DGCR8: variants seen among roughly 807,000 people sequenced by gnomAD.
The protein encoded by DGCR8 is DGCR8 microprocessor complex subunit, also known as microprocessor complex subunit DGCR8.
DGCR8 carries 14 observed loss-of-function variants against 78.5 expected under a neutral mutation model. That is an observed-to-expected ratio of 0.18 (90% confidence interval 0.12 to 0.28). DGCR8 has a LOEUF of 0.28. Among genes scored for constraint, DGCR8 ranks in the 10% least tolerant of loss-of-function variants. The pLI is 1.00. For missense variants in DGCR8, 702 were observed against 1,022.5 expected, an observed-to-expected ratio of 0.69 and a Z score of 4.28; for synonymous variants, 399 against 402.4, an observed-to-expected ratio of 0.99 and a Z score of 0.10.
rs1487377562 is a variant in DGCR8, at chr22:20,085,226, G to A, written c.-277-461G>A. On this transcript the variant is annotated intron_variant, in intron 1 of 13. Transcript: ENST00000351989. This position sits in a 1 kb window ranked among gnomAD's most constrained non-coding sequence, Gnocchi z 6.2. The stretch of plus-strand genomic sequence containing the variant: ...CTGAGGCCCCTAGTGCCGCAGAGTT[G>A]AGCTGAGGGTCTCGCGCTCGCCCTC... Among the ~76,000 whole-genome samples, 6 of 152,166 alleles carry A rather than the reference G, an allele frequency of 3.9e-5. No homozygotes were observed.
intron 9 of DGCR8, among the ~76,000 whole-genome samples, chr22:20,103,980 A>G (rs1459833392): frequency 6.6e-6 from 1 of 152,176 alleles, no homozygotes; most frequent in East Asian, 1.9e-4. Context: ...TCTGCCAGGC[A>G]CTGATTGCTT....
rs1194993491 is a variant in DGCR8, at chr22:20,086,690, T to G, written c.720+7T>G. 2 of 1,599,100 alleles carry G rather than the reference T, an allele frequency of 1.3e-6. No individual in the cohort carries two copies. Among genetic ancestry groups the G allele is most frequent in the Non-Finnish European group, 1.7e-6 (2 of 1,176,604 alleles). ...CTTGAATTTCCCCTACGAGGTATGTTGGCAGCCCCTCCTCTAGAGGGCTCT... is the reference window on the plus strand; with the variant it reads ...CTTGAATTTCCCCTACGAGGTATGTGGGCAGCCCCTCCTCTAGAGGGCTCT... On this transcript the variant is annotated splice_region_variant and intron_variant, in intron 2 of 13. Coordinates refer to ENST00000351989, the MANE Select transcript of DGCR8 (RefSeq NM_022720.7). This position sits in a 1 kb window ranked among gnomAD's most constrained non-coding sequence, Gnocchi z 6.4.
At chr22:20,090,443 A>C (rs2049542318) in intron 5 of DGCR8, among the ~76,000 whole-genome samples, 185 bp downstream of exon 5, 1 of 152,036 alleles carries the variant, frequency 6.6e-6, no homozygotes, top group Non-Finnish European at 1.5e-5. Flanking sequence ...TGGGTGCAGC[A>C]CCCTAGGCTC....
chr22:20,098,156 T>C (rs174890), intron 9 of DGCR8, among the ~76,000 whole-genome samples: 2 of 145,546 alleles, frequency 1.4e-5, no homozygotes, highest in African/African-American at 5.2e-5. Context: ...AGAAAAAAAA[T>C]ATATATATAT....
intron 9 of DGCR8, chr22:20,101,327 A>G (rs1486003557): frequency 2.0e-6 from 2 of 976,662 alleles, no homozygotes; most frequent in Non-Finnish European, 2.4e-6. Context: ...CTGTAATCCC[A>G]GCACTTTGGG....
chr22:20,084,917 G>A (rs1301208968), intron 1 of DGCR8: 3 of 949,982 alleles, frequency 3.2e-6, no homozygotes, highest in African/African-American at 3.5e-5. Flanking sequence ...CATGAGAGTC[G>A]CTTCACCTTC....
intron 9 of DGCR8, among the ~76,000 whole-genome samples, chr22:20,097,462 A>G (rs997624110): frequency 1.4e-4 from 21 of 152,188 alleles, no homozygotes; most frequent in Admixed American, 8.5e-4. Flanking sequence ...TGATTAGCAT[A>G]TATTTGTTCC....
intron 5 of DGCR8, 90 bp downstream of exon 5, chr22:20,090,348 A>G: frequency 1.4e-6 from 2 of 1,437,674 alleles, no homozygotes; most frequent in South Asian, 1.4e-5. Flanking sequence ...CATAGTTCCT[A>G]GTTGTACTTG....
In DGCR8 at chr22:20,085,657, T is replaced by A. The variant is rs780998377; in HGVS notation, c.-277-30T>A. On this transcript the variant is annotated intron_variant, in intron 1 of 13. Coordinates refer to ENST00000351989, the MANE Select transcript of DGCR8 (RefSeq NM_022720.7). This position sits in a 1 kb window ranked among gnomAD's most constrained non-coding sequence, Gnocchi z 6.2. ...AGGGAATTGGAAGGTTTCTGTCATT[T>A]TGTGACGATATTTTTAAATTTCTTT... The A allele has an allele frequency of 5.4e-6, 7 of 1,285,722 alleles. No individual in the cohort carries two copies. The highest frequency in any genetic ancestry group is 6.9e-6 in the Non-Finnish European group (7 of 1,020,552). 79.6% of individuals were successfully genotyped at this position (1,285,722 alleles called of 1,614,324 possible).
chr22:20,080,287 T>G lies in DGCR8; in HGVS notation c.-374T>G, dbSNP rs1255059452. On this transcript the variant is annotated 5_prime_UTR_variant, in exon 1 of 14. Coordinates refer to ENST00000351989, the MANE Select transcript of DGCR8 (RefSeq NM_022720.7). ...GGCGGGTGCCGGCGACCGGAGAGCC[T>G]GGACAGGCTTTCCAGATGGCTGCGG... 2 of 980,816 alleles carry G rather than the reference T, an allele frequency of 2.0e-6. No individual in the cohort carries two copies. Among genetic ancestry groups the G allele is most frequent in the East Asian group, 1.1e-4 (1 of 8,772 alleles). The allele number at this position is 980,816 out of a possible 1,614,324, so 60.8% of individuals were successfully genotyped here.
chr22:20,097,211 C>G (rs769850327), intron 9 of DGCR8, among the ~76,000 whole-genome samples: 7 of 152,038 alleles, frequency 4.6e-5, no homozygotes, highest in Non-Finnish European at 7.4e-5. Flanking sequence ...GGAACATGTT[C>G]CATTTTCTTC....
intron 5 of DGCR8, 94 bp from the exon 6 acceptor site, chr22:20,091,341 A>T: frequency 8.0e-7 from 1 of 1,256,380 alleles, no homozygotes; most frequent in South Asian, 1.2e-5. Context: ...AAATAGTGTC[A>T]TGTGGCCTGG....
intron 8 of DGCR8, among the ~76,000 whole-genome samples, chr22:20,093,832 G>A (rs1320380422): frequency 3.3e-5 from 5 of 152,230 alleles, no homozygotes; most frequent in African/African-American, 9.6e-5. Flanking sequence ...TTGCCTCAGC[G>A]TCCAGGGTTA....
At chr22:20,096,120 C>T (rs922507426) in intron 9 of DGCR8, among the ~76,000 whole-genome samples, 3 of 152,120 alleles carry the variant, frequency 2.0e-5, no homozygotes, top group African/African-American at 7.2e-5. Context: ...TGGATTGGTA[C>T]CAGTCCATGG....
At chr22:20,081,387 G>T (rs1170269447) in intron 1 of DGCR8, among the ~76,000 whole-genome samples, 1 of 152,214 alleles carries the variant, frequency 6.6e-6, no homozygotes, top group African/African-American at 2.4e-5. Context: ...GGAGCTTGCC[G>T]TGAGCCCGTT....
At chr22:20,099,781 A>G (rs957740331) in intron 9 of DGCR8, among the ~76,000 whole-genome samples, 2 of 152,104 alleles carry the variant, frequency 1.3e-5, no homozygotes, top group African/African-American at 4.8e-5. Context: ...AAGTTTTCTC[A>G]TCTTTGTGGA....
At chr22:20,095,972 T>C (rs2049624283) in intron 9 of DGCR8, among the ~76,000 whole-genome samples, 1 of 147,898 alleles carries the variant, frequency 6.8e-6, no homozygotes, top group Admixed American at 6.8e-5. Context: ...CTACTGCTGA[T>C]CTGACAGGAG....
At position 20,111,850 on chromosome 22, in the gene DGCR8, C is replaced by T. The variant is rs1344909656; in HGVS notation, c.*1742C>T. On this transcript the variant is annotated 3_prime_UTR_variant, in exon 14 of 14. Coordinates refer to ENST00000351989, the MANE Select transcript of DGCR8 (RefSeq NM_022720.7). The stretch of plus-strand genomic sequence containing the variant: ...GGAAGGCGAGCCTTGATTGTCTGAA[C>T]ACATAAAGCAAACTGTCCAGAAGGG... The T allele has an allele frequency of 5.6e-6, 1 of 177,648 alleles. No individual in the cohort carries two copies. Among genetic ancestry groups the T allele is most frequent in the Non-Finnish European group, 1.2e-5 (1 of 85,070 alleles). 11.0% of individuals were successfully genotyped at this position (177,648 alleles called of 1,614,324 possible).
intron 9 of DGCR8, among the ~76,000 whole-genome samples, chr22:20,098,418 T>A (rs2049656506): frequency 1.3e-5 from 2 of 152,206 alleles, no homozygotes; most frequent in African/African-American, 4.8e-5. Flanking sequence ...CCTTCATGTA[T>A]GGGCTGTCTC....
Sources: allele counts gnomAD v4.1 joint callset (sites outside exome capture counted in the v4.1 genomes callset), GRCh38; gene constraint gnomAD v4.1.1; non-coding constraint Gnocchi (gnomAD v3.1); transcripts MANE v1.5; gene names NCBI Gene and HGNC (gene_info 2026-07-23, HGNC 2026-07-21).